Variants in TFDP2 observed in about 807,000 individuals in gnomAD.
TFDP2 encodes the protein transcription factor Dp-2 (E2F dimerization partner 2).
A neutral mutation model predicts 59.3 loss-of-function variants in TFDP2; 17 were observed. The ratio of observed to expected loss-of-function variants is 0.29; its 90% confidence interval spans 0.20 to 0.43. The LOEUF is 0.43. Ranked by LOEUF, TFDP2 falls within the 20% of genes least tolerant of loss-of-function variation. TFDP2 has a pLI of 1.00. For missense variants in TFDP2, 391 were observed against 528.8 expected (o/e 0.74, Z 2.56); for synonymous variants, 180 against 194.7 (o/e 0.92, Z 0.63).
chr3:142,109,693 T>C (rs958869485), intron 1 of TFDP2, among the ~76,000 whole-genome samples: 2 of 152,176 alleles, frequency 1.3e-5, no homozygotes, highest in African/African-American at 4.8e-5. Flanking sequence ...ACCAGCATTT[T>C]ATTTGTATTC....
At chr3:141,977,128 TCCC>T (rs10582248) in intron 7 of TFDP2, among the ~76,000 whole-genome samples, 6 of 110,778 alleles carry the variant, frequency 5.4e-5, no homozygotes, top group Admixed American at 9.6e-5. Context: ...TTTTTTTTTT[TCCC>T]CCCAAAGAGA....
At chr3:142,057,738 A>G (rs975377459) in intron 3 of TFDP2, among the ~76,000 whole-genome samples, 1 of 152,250 alleles carries the variant, frequency 6.6e-6, no homozygotes, top group Non-Finnish European at 1.5e-5. Context: ...CTAATAATAC[A>G]GAATGAGTTG....
At position 141,944,598 on chromosome 3, in the gene TFDP2, T is replaced by C. The variant is rs1249473133; in HGVS notation, c.*7915A>G. ...AATGGACAAAAAACACCAGAGTTCA[T>C]TACAAATACAGCTTCCCAGGCCCCA... is the stretch of plus-strand genomic sequence containing the variant. On this transcript the variant is annotated 3_prime_UTR_variant, in exon 13 of 13. Coordinates refer to ENST00000489671, the MANE Select transcript of TFDP2 (RefSeq NM_001178139.2). 1 of 152,168 alleles carries C rather than the reference T, an allele frequency of 6.6e-6. No individual in the cohort carries two copies. Among genetic ancestry groups the C allele is most frequent in the Non-Finnish European group, 1.5e-5 (1 of 68,034 alleles). 9.4% of individuals were successfully genotyped at this position (152,168 alleles called of 1,614,324 possible).
At chr3:141,990,273 G>C (rs1253042138) in intron 6 of TFDP2, among the ~76,000 whole-genome samples, 1 of 151,528 alleles carries the variant, frequency 6.6e-6, no homozygotes, top group Non-Finnish European at 1.5e-5. Context: ...AACATGAGAC[G>C]GAGTCCCGCT....
In TFDP2 at chr3:141,967,441, C is replaced by T. The variant is rs374464450; in HGVS notation, c.732+2632G>A. On this transcript the variant is annotated intron_variant, in intron 9 of 12. Transcript: ENST00000489671. ...CCAAGTAGCTGAGATTACAGGCATG[C>T]GCCACCATGCCTGGCTAATTTTTTG... is the stretch of plus-strand genomic sequence containing the variant. 1.5e-3 allele frequency among the ~76,000 whole-genome samples: 225 copies of T among 151,192 alleles called. 2 individuals carry two copies. Among genetic ancestry groups the T allele is most frequent in the African/African-American group, 5.2e-3 (214 of 41,164 alleles).
intron 1 of TFDP2, among the ~76,000 whole-genome samples, chr3:142,110,396 TG>T (rs1417417194): frequency 6.6e-6 from 1 of 151,504 alleles, no homozygotes; most frequent in Non-Finnish European, 1.5e-5. Flanking sequence ...CCCAGCTACT[TG>T]GGAGGCTGAG....
chr3:142,140,995 AG>A (rs2062932692), intron 1 of TFDP2, among the ~76,000 whole-genome samples: 1 of 152,216 alleles, frequency 6.6e-6, no homozygotes, highest in Non-Finnish European at 1.5e-5. Flanking sequence ...TAGAGGCAGT[AG>A]GCCTTGCTGA....
intron 3 of TFDP2, among the ~76,000 whole-genome samples, chr3:142,033,495 G>A (rs1946533362): frequency 1.3e-5 from 2 of 151,950 alleles, no homozygotes; most frequent in Non-Finnish European, 2.9e-5. Context: ...ACTTAGTGGG[G>A]CCCACAGAAT....
chr3:142,128,141 G>A lies in TFDP2; in HGVS notation c.-93+21042C>T, dbSNP rs143197918. Reference sequence around the variant, plus strand: ...GACTGCTTAAGCCCCGGAACTTGAGGTTACAAGCTATAATCACACCACTGC... The same window carrying A: ...GACTGCTTAAGCCCCGGAACTTGAGATTACAAGCTATAATCACACCACTGC... On this transcript the variant is annotated intron_variant, in intron 1 of 12. Transcript: ENST00000489671. Among the ~76,000 whole-genome samples, 216 of 152,108 alleles carry A rather than the reference G, an allele frequency of 1.4e-3. 1 individual carries two copies. Among genetic ancestry groups the A allele is most frequent in the African/African-American group, 5.1e-3 (210 of 41,496 alleles).
chr3:142,101,708 T>G lies in TFDP2; in HGVS notation c.15+27A>C, dbSNP rs572738668. On this transcript the variant is annotated intron_variant, in intron 2 of 12. Transcript: ENST00000489671. ...AGCACAGCTCACTTTAAACAATACTTACATTAAAAAATTTACAAATACTTA... is the reference window on the plus strand; with the variant it reads ...AGCACAGCTCACTTTAAACAATACTGACATTAAAAAATTTACAAATACTTA... The G allele has an allele frequency of 1.0e-5, 14 of 1,349,282 alleles. No homozygotes were observed. In the South Asian group the frequency reaches 1.9e-4, roughly 18 times the overall value. 83.6% of individuals were successfully genotyped at this position (1,349,282 alleles called of 1,614,324 possible).
At chr3:142,142,360 C>T (rs971748378) in intron 1 of TFDP2, among the ~76,000 whole-genome samples, 4 of 152,060 alleles carry the variant, frequency 2.6e-5, no homozygotes, top group African/African-American at 7.2e-5. Flanking sequence ...TTACAACAGC[C>T]ACACATAAAA....
intron 6 of TFDP2, among the ~76,000 whole-genome samples, chr3:141,983,015 T>A (rs1327760249): frequency 6.6e-6 from 1 of 152,236 alleles, no homozygotes; most frequent in African/African-American, 2.4e-5. Context: ...CTACAAGTGA[T>A]CTTATCCCCT....
At chr3:141,980,942 T>C (rs1261403789) in intron 6 of TFDP2, among the ~76,000 whole-genome samples, 1 of 152,194 alleles carries the variant, frequency 6.6e-6, no homozygotes, top group Non-Finnish European at 1.5e-5. Flanking sequence ...GGTTAACTTA[T>C]TATTGAAGAA....
chr3:142,042,367 C>T (rs931807311), intron 3 of TFDP2, among the ~76,000 whole-genome samples: 14 of 151,952 alleles, frequency 9.2e-5, no homozygotes, highest in African/African-American at 2.9e-4. Context: ...TCTTGGCTCA[C>T]TGCAACCTCC....
At chr3:142,118,223 A>C (rs2061910880) in intron 1 of TFDP2, among the ~76,000 whole-genome samples, 1 of 152,204 alleles carries the variant, frequency 6.6e-6, no homozygotes, top group South Asian at 2.1e-4. Flanking sequence ...AATTCAGAAA[A>C]GAACCTTCAC....
intron 3 of TFDP2, chr3:142,028,826 A>C (rs1946280929): frequency 1.1e-5 from 5 of 463,838 alleles, no homozygotes; most frequent in Non-Finnish European, 1.4e-5. Context: ...TGCAGGTCTT[A>C]GATGAAGGGG....
chr3:141,959,244 C>T (rs1371125752), intron 11 of TFDP2, among the ~76,000 whole-genome samples: 1 of 152,042 alleles, frequency 6.6e-6, no homozygotes, highest in Non-Finnish European at 1.5e-5. Context: ...GTGTGAGCTG[C>T]AGCGCCCGGC....
Position 142,121,708 on chromosome 3 carries a change from T to A in TFDP2, c.-92-19867A>T, listed in dbSNP as rs2062052671. Among the ~76,000 whole-genome samples the A allele has an allele frequency of 6.6e-6, 1 of 151,970 alleles. No individual in the cohort carries two copies. The highest frequency in any genetic ancestry group is 2.4e-5 in the African/African-American group (1 of 41,380). On this transcript the variant is annotated intron_variant, in intron 1 of 12. Coordinates refer to ENST00000489671, the MANE Select transcript of TFDP2 (RefSeq NM_001178139.2). This position sits in a 1 kb window ranked among gnomAD's most constrained non-coding sequence, Gnocchi z 4.3. ...ACTCTTTCAAGGAGTAGCATATGAT[T>A]AGGATATGAAGTTTAAAAAAGGCTC... is the stretch of plus-strand genomic sequence containing the variant.
chr3:142,063,289 AT>A (rs981514506), intron 3 of TFDP2, among the ~76,000 whole-genome samples: 22 of 152,178 alleles, frequency 1.4e-4, no homozygotes, highest in African/African-American at 5.3e-4. Flanking sequence ...AGAACCTAAA[AT>A]ACAATTTCAC....
Sources: allele counts gnomAD v4.1 joint callset (sites outside exome capture counted in the v4.1 genomes callset), GRCh38; gene constraint gnomAD v4.1.1; non-coding constraint Gnocchi (gnomAD v3.1); transcripts MANE v1.5; gene names NCBI Gene and HGNC (gene_info 2026-07-23, HGNC 2026-07-21).